Variants in DHX58 observed in about 807,000 individuals in gnomAD.
DHX58 encodes the protein DExH-box helicase 58.
In DHX58, 51 loss-of-function variants were observed where a neutral mutation model predicts 65.0. The observed-to-expected ratio is 0.78, with a 90% confidence interval of 0.63 to 0.99. The LOEUF (loss-of-function observed/expected upper bound fraction) is 0.99. DHX58 is among the 50% of genes least tolerant of loss of function. DHX58 has a pLI of 0.00. For missense variants in DHX58, 773 were observed against 891.8 expected (o/e 0.87, Z 1.70); for synonymous variants, 350 against 365.0 (o/e 0.96, Z 0.47).
At position 42,104,998 on chromosome 17, in the gene DHX58, G is replaced by A. The variant is rs1318842425; in HGVS notation, c.1401+20C>T. The A allele has an allele frequency of 6.2e-7, 1 of 1,612,210 alleles. No homozygotes were observed. The highest frequency in any genetic ancestry group is 1.3e-5 in the African/African-American group (1 of 75,030). ...CACAGGATCCTATAAGGGCGGCTGA[G>A]TGGAGGAGGATGTGAGTACCTGGAC... On this transcript the variant is annotated intron_variant, in intron 10 of 13. Transcript: ENST00000251642.
At chr17:42,109,658 G>C (rs1172879026) in intron 5 of DHX58, among the ~76,000 whole-genome samples, 1 of 152,212 alleles carries the variant, frequency 6.6e-6, no homozygotes, top group Non-Finnish European at 1.5e-5. Flanking sequence ...CACTTTGGGA[G>C]GCCAAGGCGG....
intron 2 of DHX58, 89 bp downstream of exon 2, chr17:42,112,024 T>G (rs943343867): frequency 1.8e-6 from 2 of 1,132,344 alleles, no homozygotes; most frequent in Non-Finnish European, 2.5e-6. Context: ...CAGGACTCCC[T>G]CAGAACCCAT....
chr17:42,108,257 G>C lies in DHX58; in HGVS notation c.679-149C>G, dbSNP rs1555663285. The stretch of plus-strand genomic sequence containing the variant: ...GAGCTCCAGAGGGAGGCCGGCTAGG[G>C]TGTGGGGGAGTCCTGCCCTGTCTCA... On this transcript the variant is annotated intron_variant, in intron 6 of 13. Coordinates refer to ENST00000251642, the MANE Select transcript of DHX58 (RefSeq NM_024119.3). The C allele has an allele frequency of 3.2e-6, 4 of 1,238,438 alleles. No individual in the cohort carries two copies. The African/African-American group carries it at 6.0e-5, about 19-fold the overall frequency. The allele number at this position is 1,238,438 out of a possible 1,614,324, so 76.7% of individuals were successfully genotyped here. A position where few individuals can be genotyped will look rare whatever the true frequency, so the allele number is the denominator to read the frequency against.
chr17:42,102,396 C>A, intron 12 of DHX58, 84 bp from the exon 13 acceptor site: 1 of 1,252,000 alleles, frequency 8.0e-7, no homozygotes, highest in Non-Finnish European at 1.2e-6. Context: ...CAAGTCTCTG[C>A]CTGGACCTTG....
In DHX58 at chr17:42,111,725, C is replaced by T. The variant is rs782181393; in HGVS notation, c.168G>A (p.Arg56=). The stretch of plus-strand genomic sequence containing the variant: ...AGCGGGGTAGGGACAGACCACTCAC[C>T]CTGTTGACCAATACAACCACCTTGG... ...DGAKVVVLVN[R]VHLVTQHGEE... is the part of the protein sequence containing the mutation. The change falls in exon 3 of 14, where the codon AGG becomes AGA. Residue 56 remains arginine (R), a splice_region_variant and synonymous_variant. Transcript: ENST00000251642. 8.7e-6 allele frequency: 14 copies of T among 1,608,250 alleles called. No homozygotes were observed. The highest frequency in any genetic ancestry group is 3.3e-5 in the Admixed American group (2 of 59,782).
At position 42,103,767 on chromosome 17, in the gene DHX58, T is replaced by G. The variant is rs782628404; in HGVS notation, c.1595A>C (p.Lys532Thr). Residue 532 changes from lysine (K) to threonine (T), a missense_variant, in exon 12 of 14, where the codon AAG becomes ACG. Transcript: ENST00000251642. ...CCGCTGGGCTGCCTGGGCCGCCCGC[T>G]TGGTCAAGGCTGCCTGCTGCAGATC... is the stretch of plus-strand genomic sequence containing the variant. ...IRDLQQAALT[K>T]RAAQAAQREN... 2.5e-6 allele frequency: 4 copies of G among 1,610,502 alleles called. No individual in the cohort carries two copies. The South Asian group carries it at 4.4e-5, about 18-fold the overall frequency.
At chr17:42,106,109 T>C (rs35370188) in intron 8 of DHX58, 120 bp from the exon 9 acceptor site, 160,172 of 1,019,634 alleles carry the variant, frequency 0.16, 23,352 homozygotes, top group African/African-American at 0.71. Flanking sequence ...AAGAGAGCTA[T>C]GATTGCACCA....
In DHX58 at chr17:42,111,715, G is replaced by C. The variant is rs1555664334; in HGVS notation, c.168+10C>G. The C allele has an allele frequency of 6.2e-7, 1 of 1,605,132 alleles. No homozygotes were observed. The highest frequency in any genetic ancestry group is 1.3e-5 in the African/African-American group (1 of 74,782). On this transcript the variant is annotated intron_variant, in intron 3 of 13. Coordinates refer to ENST00000251642, the MANE Select transcript of DHX58 (RefSeq NM_024119.3). ...GTGGTGGGAGAGCGGGGTAGGGACA[G>C]ACCACTCACCCTGTTGACCAATACA...
rs782605235 is a variant in DHX58, at chr17:42,101,779, C to T, written c.2019G>A (p.Ser673=). The T allele has an allele frequency of 5.0e-6, 8 of 1,614,032 alleles. No individual in the cohort carries two copies. In the Admixed American group the frequency reaches 6.7e-5, roughly 13 times the overall value. Residue 673 remains serine (S), a synonymous_variant, in exon 14 of 14, where the codon TCG becomes TCA. Coordinates refer to ENST00000251642, the MANE Select transcript of DHX58 (RefSeq NM_024119.3). ...GAGGTGGTCAGTCCAGGGAGAGGTC[C>T]GACAAGTTCTCGGCACAATGCTGCA... ...DFLQHCAENL[S]DLSLD is the part of the protein sequence containing the mutation.
intron 9 of DHX58, among the ~76,000 whole-genome samples, 197 bp from the exon 10 acceptor site, chr17:42,105,364 T>C (rs1217923731): frequency 1.3e-5 from 2 of 151,968 alleles, no homozygotes; most frequent in Admixed American, 6.5e-5. Context: ...GTCCAACCCC[T>C]ATCTTCCCTA....
intron 11 of DHX58, among the ~76,000 whole-genome samples, chr17:42,104,216 A>G (rs1377154831): frequency 6.6e-6 from 1 of 152,034 alleles, no homozygotes; most frequent in Non-Finnish European, 1.5e-5. Flanking sequence ...GGGGAAAAAA[A>G]AAAAAACAGC....
At position 42,105,103 on chromosome 17, in the gene DHX58, C is replaced by T. The variant is rs1199006421; in HGVS notation, c.1316G>A (p.Ser439Asn). 1.9e-6 allele frequency: 3 copies of T among 1,613,920 alleles called. No homozygotes were observed. The highest frequency in any genetic ancestry group is 2.2e-5 in the East Asian group (1 of 44,888). ...GATGTCCAGCCCCTCCTCCGCCACACTCGTGGCCACCAGAAGGTTCAGGGT... is the reference window on the plus strand; with the variant it reads ...GATGTCCAGCCCCTCCTCCGCCACATTCGTGGCCACCAGAAGGTTCAGGGT... ...DGTLNLLVATSVAEEGLDIPH... is the reference protein window; with the variant it reads ...DGTLNLLVATNVAEEGLDIPH... Residue 439 changes from serine to asparagine, a missense_variant, in exon 10 of 14, where the codon AGT becomes AAT. Physicochemically the swap from Ser to Asn is conservative, Grantham distance 46. Transcript: ENST00000251642.
chr17:42,105,102 A>G lies in DHX58; in HGVS notation c.1317T>C (p.Ser439=). 1.9e-6 allele frequency: 3 copies of G among 1,613,878 alleles called. No homozygotes were observed. The highest frequency in any genetic ancestry group is 2.5e-6 in the Non-Finnish European group (3 of 1,179,944). The change falls in exon 10 of 14, where the codon AGT becomes AGC. Residue 439 remains serine, a synonymous_variant. Coordinates refer to ENST00000251642, the MANE Select transcript of DHX58 (RefSeq NM_024119.3). The part of the protein sequence containing the change: ...DGTLNLLVAT[S]VAEEGLDIPH... ...GGATGTCCAGCCCCTCCTCCGCCAC[A>G]CTCGTGGCCACCAGAAGGTTCAGGG...
intron 8 of DHX58, 133 bp downstream of exon 8, chr17:42,107,471 G>T (rs2143999635): frequency 1.9e-6 from 2 of 1,071,096 alleles, no homozygotes; most frequent in East Asian, 2.8e-5. Context: ...TTGGATTTTG[G>T]TTAGAAAAAT....
chr17:42,112,185 G>T lies in DHX58; in HGVS notation c.-74C>A. ...CTGGTGCCACTCTGCTCAGCTCAGAGACCCAAGATGGAAACTGAAACTGAG... is the reference window on the plus strand; with the variant it reads ...CTGGTGCCACTCTGCTCAGCTCAGATACCCAAGATGGAAACTGAAACTGAG... On this transcript the variant is annotated 5_prime_UTR_variant, in exon 2 of 14. Coordinates refer to ENST00000251642, the MANE Select transcript of DHX58 (RefSeq NM_024119.3). 1 of 284,828 alleles carries T rather than the reference G, an allele frequency of 3.5e-6. No individual in the cohort carries two copies. The highest frequency in any genetic ancestry group is 6.0e-5 in the East Asian group (1 of 16,542). The allele number at this position is 284,828 out of a possible 1,614,324, so 17.6% of individuals were successfully genotyped here.
In DHX58 at chr17:42,112,140, G is replaced by GC; in HGVS notation, c.-30dup. 4.8e-6 allele frequency: 2 copies of GC among 416,644 alleles called. No homozygotes were observed. The highest frequency in any genetic ancestry group is 5.0e-5 in the South Asian group (1 of 20,152). The allele number at this position is 416,644 out of a possible 1,614,324, so 25.8% of individuals were successfully genotyped here. On this transcript the variant is annotated 5_prime_UTR_variant, in exon 2 of 14. Coordinates refer to ENST00000251642, the MANE Select transcript of DHX58 (RefSeq NM_024119.3). ...GCTCTAGTAGGTAGGTCTGCCCAGG[G>GC]CAGTCCCACTTAACTCAGCCTGGTG... is the stretch of plus-strand genomic sequence containing the variant.
chr17:42,103,581 C>T lies in DHX58; in HGVS notation c.1754+27G>A, dbSNP rs368916791. The stretch of plus-strand genomic sequence containing the variant: ...ATGGGAAGGATTCCCAGGCCCCCAT[C>T]CCAGTAGCCCCTTCCACAGGTCTCA... On this transcript the variant is annotated intron_variant, in intron 12 of 13. Transcript: ENST00000251642. The T allele has an allele frequency of 1.4e-5, 23 of 1,612,534 alleles. No individual in the cohort carries two copies. The African/African-American group carries it at 3.1e-4, about 22-fold the overall frequency.
chr17:42,107,756 A>G lies in DHX58; in HGVS notation c.845T>C (p.Leu282Pro), dbSNP rs1555663084. ...CGCGTCATTGTAGCGCCTCAGGTGA[A>G]GCGCATACACCCGTTGCTCCTGAAG... Reference protein sequence around the residue: ...AGLQEQRVYALHLRRYNDALL... With the variant: ...AGLQEQRVYAPHLRRYNDALL... Residue 282 changes from leucine to proline, a missense_variant, in exon 8 of 14, where the codon CTT becomes CCT. Physicochemically the swap from Leu to Pro is moderately conservative, Grantham distance 98 (BLOSUM62 -3). Coordinates refer to ENST00000251642, the MANE Select transcript of DHX58 (RefSeq NM_024119.3). The G allele has an allele frequency of 6.3e-7, 1 of 1,597,990 alleles. No individual in the cohort carries two copies. The highest frequency in any genetic ancestry group is 1.1e-5 in the South Asian group (1 of 88,858).
In DHX58 at chr17:42,105,573, C is replaced by T. The variant is rs536329923; in HGVS notation, c.1251+163G>A. On this transcript the variant is annotated intron_variant, in intron 9 of 13. Coordinates refer to ENST00000251642, the MANE Select transcript of DHX58 (RefSeq NM_024119.3). ...CTCCAGCACTGGGGAGGTCAGTGTCCGCCCCTCTCCCCTAGCTCCTTGCCC... is the reference window on the plus strand; with the variant it reads ...CTCCAGCACTGGGGAGGTCAGTGTCTGCCCCTCTCCCCTAGCTCCTTGCCC... 2.6e-4 allele frequency among the ~76,000 whole-genome samples: 39 copies of T among 152,214 alleles called. 2 individuals carry two copies. The South Asian group carries it at 4.4e-3, about 17-fold the overall frequency.
Sources: allele counts gnomAD v4.1 joint callset (sites outside exome capture counted in the v4.1 genomes callset), GRCh38; gene constraint gnomAD v4.1.1; transcripts MANE v1.5; gene names NCBI Gene and HGNC (gene_info 2026-07-23, HGNC 2026-07-21).